NEDD4: variants seen among roughly 807,000 people sequenced by gnomAD.
The protein encoded by NEDD4 is NEDD4 E3 ubiquitin protein ligase.
NEDD4 carries 99 observed loss-of-function variants against 144.9 expected under a neutral mutation model. The ratio of observed to expected loss-of-function variants is 0.68; its 90% confidence interval spans 0.58 to 0.81. The LOEUF (loss-of-function observed/expected upper bound fraction) is 0.81, where lower values mean the gene tolerates loss of function less well. Among genes scored for constraint, NEDD4 ranks in the 30% least tolerant of loss-of-function variants. The probability of loss-of-function intolerance (pLI) is 0.00; values close to 1 mark genes in which losing one functional copy is unlikely to be tolerated. For synonymous variants in NEDD4, 318 were observed against 350.6 expected (o/e 0.91, Z 1.04); for missense variants, 985 against 1,065.9 (o/e 0.92, Z 1.06).
intron 1 of NEDD4, among the ~76,000 whole-genome samples, chr15:55,972,862 T>A (rs1252354939): frequency 2.0e-5 from 3 of 151,806 alleles, no homozygotes; most frequent in Admixed American, 2.0e-4. Context: ...TAGATTTCAA[T>A]ACAAAAACTA....
At chr15:55,966,010 A>G (rs2037506160) in intron 2 of NEDD4, among the ~76,000 whole-genome samples, 1 of 151,980 alleles carries the variant, frequency 6.6e-6, no homozygotes, top group Admixed American at 6.6e-5. Context: ...GGCCATGAAG[A>G]CTACAATTTT....
intron 2 of NEDD4, among the ~76,000 whole-genome samples, chr15:55,965,144 A>G (rs1443265243): frequency 2.0e-5 from 3 of 152,180 alleles, no homozygotes; most frequent in Non-Finnish European, 4.4e-5. Context: ...ACTAAACATA[A>G]TAAGACTATC....
At chr15:55,986,464 T>C (rs534371416) in intron 1 of NEDD4, among the ~76,000 whole-genome samples, 2 of 151,928 alleles carry the variant, frequency 1.3e-5, no homozygotes, top group East Asian at 3.9e-4. Flanking sequence ...GAACACAGCA[T>C]CATTTCTATG....
At chr15:55,932,332 T>C (rs1566957742) in intron 4 of NEDD4, among the ~76,000 whole-genome samples, 1 of 152,080 alleles carries the variant, frequency 6.6e-6, no homozygotes, top group Non-Finnish European at 1.5e-5. Flanking sequence ...TATAGACCAA[T>C]GGAACAGAAT....
chr15:55,957,993 T>G (rs927014142), intron 2 of NEDD4, among the ~76,000 whole-genome samples: 17 of 152,112 alleles, frequency 1.1e-4, no homozygotes, highest in African/African-American at 3.9e-4. Context: ...GGGTGAGGGA[T>G]AGCATTAGGA....
At chr15:55,910,311 A>C (rs1216621614) in intron 5 of NEDD4, among the ~76,000 whole-genome samples, 3 of 151,486 alleles carry the variant, frequency 2.0e-5, no homozygotes, top group Non-Finnish European at 2.9e-5. Context: ...CATTCTCCTG[A>C]GCCTACTCTT....
chr15:55,940,860 G>T (rs965925183), intron 4 of NEDD4, among the ~76,000 whole-genome samples: 2 of 151,904 alleles, frequency 1.3e-5, no homozygotes, highest in Non-Finnish European at 2.9e-5. Flanking sequence ...TCATCAAAAA[G>T]AATGGCAATA....
intron 13 of NEDD4, 99 bp from the exon 14 acceptor site, chr15:55,850,841 C>G: frequency 9.9e-7 from 1 of 1,011,590 alleles, no homozygotes; most frequent in East Asian, 2.6e-5. Flanking sequence ...GAATACACAC[C>G]CTCCATTAAA....
At chr15:55,957,404 G>C (rs1389399625) in intron 2 of NEDD4, among the ~76,000 whole-genome samples, 1 of 152,222 alleles carries the variant, frequency 6.6e-6, no homozygotes, top group African/African-American at 2.4e-5. Flanking sequence ...CCACCATTAA[G>C]TAGGTGGTTA....
chr15:55,858,387 A>G (rs1595758018), intron 11 of NEDD4, among the ~76,000 whole-genome samples: 1 of 151,992 alleles, frequency 6.6e-6, no homozygotes, highest in African/African-American at 2.4e-5. Context: ...GCTCACTGCA[A>G]CCTCTGCCTC....
intron 1 of NEDD4, among the ~76,000 whole-genome samples, chr15:55,977,044 T>A (rs550153733): frequency 6.6e-6 from 1 of 152,354 alleles, no homozygotes; most frequent in African/African-American, 2.4e-5. Context: ...GTAGCTTGTA[T>A]GCCTTTCTCA....
rs769441946 is a variant in NEDD4 at position 55,829,919 on chromosome 15, T to C, written c.2681A>G (p.Gln894Arg). ...AATCTAATCAACTCCATCAAAGCCC[T>C]GGGTGTTTTCAATTGCCATCTGAAG... is the stretch of plus-strand genomic sequence containing the variant. ...DKLQMAIENT[Q>R]GFDGVD Residue 894 changes from glutamine (Q) to arginine (R), a missense_variant, in exon 29 of 29, where the codon CAG (glutamine) becomes CGG (arginine). By Grantham distance (43) the Gln-to-Arg change is conservative. Transcript: ENST00000435532. 6.8e-6 allele frequency: 11 copies of C among 1,613,390 alleles called. No homozygotes were observed. The East Asian group carries it at 2.5e-4, about 36-fold the overall frequency.
chr15:55,965,903 C>T (rs758847267), intron 2 of NEDD4, among the ~76,000 whole-genome samples: 4 of 152,126 alleles, frequency 2.6e-5, no homozygotes, highest in Non-Finnish European at 5.9e-5. Flanking sequence ...CCGCCTGCCT[C>T]GGCCTCCCAA....
At chr15:55,969,988 G>A (rs375849305) in intron 1 of NEDD4, among the ~76,000 whole-genome samples, 5 of 152,018 alleles carry the variant, frequency 3.3e-5, no homozygotes, top group South Asian at 2.1e-4. Flanking sequence ...CCTTAGCTCC[G>A]AGAGGGCATT....
At chr15:55,870,780 C>T (rs1287605976) in intron 7 of NEDD4, among the ~76,000 whole-genome samples, 1 of 152,010 alleles carries the variant, frequency 6.6e-6, no homozygotes, top group Non-Finnish European at 1.5e-5. Context: ...AGCAATCCAC[C>T]CACCTAAGCC....
chr15:55,916,337 G>A (rs12440230), intron 5 of NEDD4: 215,907 of 1,613,780 alleles, frequency 0.13, 15,926 homozygotes, highest in East Asian at 0.34. Context: ...AATCACTACC[G>A]TTGCTGCTGT....
intron 4 of NEDD4, among the ~76,000 whole-genome samples, chr15:55,932,571 A>G (rs2142253916): frequency 6.6e-6 from 1 of 152,358 alleles, no homozygotes; most frequent in South Asian, 2.1e-4. Flanking sequence ...AAACCCTAGA[A>G]GAAAAGCTAG....
chr15:55,923,585 T>TGCAGTGAGTTGAGACTGAGCC (rs1192472238), intron 5 of NEDD4, among the ~76,000 whole-genome samples: 1 of 148,816 alleles, frequency 6.7e-6, no homozygotes, highest in African/African-American at 2.5e-5. Flanking sequence ...AGGCGGAGGT[T>TGCAGTGAGTTGAGACTGAGCC]GCAGTGAGTT....
chr15:55,940,357 A>AACTG (rs1361618425), intron 4 of NEDD4, among the ~76,000 whole-genome samples: 1 of 152,174 alleles, frequency 6.6e-6, no homozygotes, highest in African/African-American at 2.4e-5. Context: ...AAACCTATCA[A>AACTG]ACTGTATGAA....
Sources: allele counts gnomAD v4.1 joint callset (sites outside exome capture counted in the v4.1 genomes callset), GRCh38; gene constraint gnomAD v4.1.1; transcripts MANE v1.5; gene names NCBI Gene and HGNC (gene_info 2026-07-23, HGNC 2026-07-21).